CSGALNACT1: variants seen among roughly 807,000 people sequenced by gnomAD.
CSGALNACT1 encodes chondroitin sulfate N-acetylgalactosaminyltransferase 1.
Under a neutral mutation model 51.0 loss-of-function variants are expected in CSGALNACT1, and 52 were observed. The observed-to-expected ratio is 1.02, with a 90% CI of 0.82 to 1.29. CSGALNACT1 has a LOEUF of 1.29. CSGALNACT1 is among the 50% of genes most tolerant of loss of function. The pLI, the probability that CSGALNACT1 is intolerant of heterozygous loss-of-function variation, is 0.00. For synonymous variants in CSGALNACT1, 341 were observed against 254.4 expected, an observed-to-expected ratio of 1.34 and a Z score of -3.24; for missense variants, 935 against 679.2, an observed-to-expected ratio of 1.38 and a Z score of -4.19.
intron 1 of CSGALNACT1, among the ~76,000 whole-genome samples, chr8:19,708,963 C>G (rs1467575835): frequency 6.6e-6 from 1 of 152,166 alleles, no homozygotes; most frequent in Non-Finnish European, 1.5e-5. Context: ...GTTTCACCAT[C>G]TGTATGATCA....
At chr8:19,455,462 C>T (rs1387256493) in intron 5 of CSGALNACT1, among the ~76,000 whole-genome samples, 1 of 152,128 alleles carries the variant, frequency 6.6e-6, no homozygotes, top group East Asian at 1.9e-4. Flanking sequence ...ACTTTATGGT[C>T]ATGTTAATTG....
chr8:19,527,421 T>C (rs1017134765), intron 3 of CSGALNACT1, among the ~76,000 whole-genome samples: 1 of 151,898 alleles, frequency 6.6e-6, no homozygotes, highest in East Asian at 1.9e-4. Context: ...GCCAATATGG[T>C]GAACCAACCC....
At chr8:19,738,395 T>C (rs1589768381) in intron 1 of CSGALNACT1, among the ~76,000 whole-genome samples, 1 of 152,188 alleles carries the variant, frequency 6.6e-6, no homozygotes, top group Non-Finnish European at 1.5e-5. Context: ...AATCACTATA[T>C]GATTCCATGT....
intron 1 of CSGALNACT1, among the ~76,000 whole-genome samples, chr8:19,637,285 C>G (rs76108007): frequency 0.027 from 4,090 of 152,278 alleles, 91 homozygotes; most frequent in Non-Finnish European, 0.04. Context: ...GGTAGGGAAT[C>G]AAACCACCCC....
chr8:19,492,682 G>A (rs1229648119), intron 4 of CSGALNACT1, among the ~76,000 whole-genome samples: 1 of 152,188 alleles, frequency 6.6e-6, no homozygotes, highest in Non-Finnish European at 1.5e-5. Flanking sequence ...TGGTCTTGCT[G>A]GTCCACGCCA....
chr8:19,590,360 A>T (rs898194664), intron 3 of CSGALNACT1, among the ~76,000 whole-genome samples: 5 of 152,252 alleles, frequency 3.3e-5, no homozygotes, highest in Non-Finnish European at 7.3e-5. Context: ...TACAGTCAAC[A>T]TTAGATTGAG....
At chr8:19,685,364 G>C (rs1339770696), upstream of CSGALNACT1, among the ~76,000 whole-genome samples, 1 of 152,144 alleles carries the variant, frequency 6.6e-6, no homozygotes, top group East Asian at 1.9e-4. Flanking sequence ...GCTGGGCTTG[G>C]TGTCATGTGC....
At chr8:19,739,945 C>G (rs1003202041) in intron 1 of CSGALNACT1, among the ~76,000 whole-genome samples, 13 of 152,164 alleles carry the variant, frequency 8.5e-5, no homozygotes, top group African/African-American at 3.1e-4. Context: ...TCCTGTAGAC[C>G]AGCAGATACT....
Position 19,442,573 on chromosome 8 carries a change from C to T in CSGALNACT1, c.852-2642G>A, listed in dbSNP as rs553049490. On this transcript the variant is annotated intron_variant, in intron 5 of 9. Coordinates refer to ENST00000454498, the Ensembl canonical transcript of CSGALNACT1. ...CATCACACTCTGGGGACTGTTGTGG[C>T]GTTGGGGGAGGGGGGAGGGATAGCA... 1.9e-4 allele frequency among the ~76,000 whole-genome samples: 13 copies of T among 67,230 alleles called. No homozygotes were observed. In the South Asian group the frequency reaches 3.0e-3, roughly 16 times the overall value. The allele number at this position is 67,230 out of a possible 152,430, so 44.1% of individuals were successfully genotyped here.
At chr8:19,496,696 C>G (rs193132309) in intron 4 of CSGALNACT1, among the ~76,000 whole-genome samples, 8 of 152,190 alleles carry the variant, frequency 5.3e-5, no homozygotes, top group Non-Finnish European at 5.9e-5. Context: ...CAGGTGCTGG[C>G]AGGGAGAAAA....
chr8:19,487,484 T>C (rs557780615), intron 4 of CSGALNACT1, among the ~76,000 whole-genome samples: 1 of 152,196 alleles, frequency 6.6e-6, no homozygotes. Flanking sequence ...GCGAGACACA[T>C]GAGCTCTGAG....
chr8:19,661,165 CA>C (rs774620974), intron 1 of CSGALNACT1, among the ~76,000 whole-genome samples: 107 of 152,126 alleles, frequency 7.0e-4, no homozygotes, highest in Middle Eastern at 3.4e-3. Context: ...CTGCCCACCT[CA>C]GCCTCCCAAA....
Position 19,562,484 on chromosome 8 carries a change from G to GGAA in CSGALNACT1, c.-297+28675_-297+28676insTTC, listed in dbSNP as rs1554708384. Among the ~76,000 whole-genome samples, 209 of 129,328 alleles carry GGAA rather than the reference G, an allele frequency of 1.6e-3. 1 individual carries two copies. The highest frequency in any genetic ancestry group is 5.6e-3 in the African/African-American group (203 of 36,246). The allele number at this position is 129,328 out of a possible 152,430, so 84.8% of individuals were successfully genotyped here. A position where few individuals can be genotyped will look rare whatever the true frequency, so the allele number is the denominator to read the frequency against. ...GGTTCAATTAAACAGCTTCTGCACA[G>GGAA]AAAAAAAAAAAAAACTACCATCAGA... On this transcript the variant is annotated intron_variant, in intron 3 of 9. Coordinates refer to ENST00000454498, the Ensembl canonical transcript of CSGALNACT1.
intron 1 of CSGALNACT1, among the ~76,000 whole-genome samples, chr8:19,709,782 T>C (rs1312682829): frequency 6.6e-6 from 1 of 152,006 alleles, no homozygotes; most frequent in African/African-American, 2.4e-5. Flanking sequence ...GTTTTCCAAG[T>C]CCCCCAGGTA....
At chr8:19,505,133 C>A (rs1284513259) in intron 4 of CSGALNACT1, 68 bp downstream of exon 3, 8 of 1,590,832 alleles carry the variant, frequency 5.0e-6, no homozygotes, top group African/African-American at 2.7e-5. Context: ...GGAGCTGGAA[C>A]CTGCCTGGGT....
chr8:19,419,870 C>T (rs889169396), intron 7 of CSGALNACT1, among the ~76,000 whole-genome samples: 1 of 152,204 alleles, frequency 6.6e-6, no homozygotes, highest in Non-Finnish European at 1.5e-5. Context: ...CAAATCTCAT[C>T]TTGAATTGTA....
chr8:19,661,678 G>C lies in CSGALNACT1; in HGVS notation c.-544+20795C>G, dbSNP rs374821627. On this transcript the variant is annotated intron_variant, in intron 1 of 9. Transcript: ENST00000332246. ...TATGCCATGCTCTTTATGACAATGG[G>C]ACAAGCACATGGAATATTCTGTTCA... 5.9e-5 allele frequency among the ~76,000 whole-genome samples: 9 copies of C among 152,266 alleles called. No homozygotes were observed. In the East Asian group the frequency reaches 1.4e-3, roughly 23 times the overall value.
intron 3 of CSGALNACT1, among the ~76,000 whole-genome samples, chr8:19,556,030 C>T (rs771087457): frequency 2.6e-5 from 4 of 152,126 alleles, no homozygotes; most frequent in Non-Finnish European, 5.9e-5. Flanking sequence ...AACGATAACA[C>T]TGAAAGTTGT....
chr8:19,419,670 C>T (rs1054443882), intron 7 of CSGALNACT1, among the ~76,000 whole-genome samples: 1 of 152,148 alleles, frequency 6.6e-6, no homozygotes, highest in Non-Finnish European at 1.5e-5. Context: ...TTTCCAGCTC[C>T]ACCTCCTCCC....
Sources: allele counts gnomAD v4.1 joint callset (sites outside exome capture counted in the v4.1 genomes callset), GRCh38; gene constraint gnomAD v4.1.1; transcripts MANE v1.5; gene names NCBI Gene and HGNC (gene_info 2026-07-23, HGNC 2026-07-21).